FAT3: variants seen among roughly 807,000 people sequenced by gnomAD.
FAT3 encodes the protein protocadherin Fat 3.
Under a neutral mutation model 310.2 loss-of-function variants are expected in FAT3, and 95 were observed. The observed-to-expected ratio is 0.31, with a 90% CI of 0.26 to 0.36. The LOEUF is 0.36. Among genes scored for constraint, FAT3 ranks in the 10% least tolerant of loss-of-function variants. The probability of loss-of-function intolerance (pLI) is 1.00; values close to 1 mark genes in which losing one functional copy is unlikely to be tolerated. For synonymous variants in FAT3, 2,314 were observed against 2,192.9 expected, an observed-to-expected ratio of 1.06 and a Z score of -1.54; for missense variants, 5,408 against 5,715.6, an observed-to-expected ratio of 0.95 and a Z score of 1.74.
chr11:92,630,631 C>T (rs1941523631), intron 3 of FAT3, among the ~76,000 whole-genome samples: 1 of 152,186 alleles, frequency 6.6e-6, no homozygotes, highest in Admixed American at 6.5e-5. Context: ...CCATCCTCCT[C>T]TAATTTTTCT....
intron 22 of FAT3, among the ~76,000 whole-genome samples, chr11:92,878,446 A>G (rs926197584): frequency 1.3e-5 from 2 of 152,014 alleles, no homozygotes; most frequent in South Asian, 4.2e-4. Flanking sequence ...TTGACCCAAC[A>G]TCTGGCTACC....
intron 2 of FAT3, among the ~76,000 whole-genome samples, chr11:92,375,088 T>C (rs902960148): frequency 1.3e-5 from 2 of 151,986 alleles, no homozygotes; most frequent in African/African-American, 4.8e-5. Flanking sequence ...GTCAAATAAT[T>C]AGAGTAATTT....
rs1372388177 is a variant in FAT3, at chr11:92,633,721, G to GT, written c.3608-63662dup. On this transcript the variant is annotated intron_variant, in intron 3 of 27. Transcript: ENST00000525166. ...GGAGGCAAAGGATAGAAGGAGAAAT[G>GT]TATCACTTCATAAATATGAATCTGA... is the stretch of plus-strand genomic sequence containing the variant. Among the ~76,000 whole-genome samples, 3 of 152,296 alleles carry GT rather than the reference G, an allele frequency of 2.0e-5. No individual in the cohort carries two copies. The East Asian group carries it at 5.8e-4, about 29-fold the overall frequency.
intron 3 of FAT3, among the ~76,000 whole-genome samples, chr11:92,611,714 A>G (rs1940569705): frequency 6.6e-6 from 1 of 152,164 alleles, no homozygotes; most frequent in Admixed American, 6.5e-5. Flanking sequence ...ATTTCTTGAT[A>G]TACTCCAGTG....
At chr11:92,718,693 T>G (rs1944764018) in intron 4 of FAT3, among the ~76,000 whole-genome samples, 1 of 152,210 alleles carries the variant, frequency 6.6e-6, no homozygotes, top group East Asian at 1.9e-4. Flanking sequence ...AAGCATACAT[T>G]GTTCTCCTCC....
chr11:92,546,093 A>G (rs1954607908), intron 3 of FAT3, among the ~76,000 whole-genome samples: 1 of 152,150 alleles, frequency 6.6e-6, no homozygotes, highest in Admixed American at 6.6e-5. Flanking sequence ...CTTTTAATTC[A>G]AGAAATGTCG....
chr11:92,254,526 A>T (rs1044118775), intron 1 of FAT3, among the ~76,000 whole-genome samples: 1 of 152,136 alleles, frequency 6.6e-6, no homozygotes, highest in East Asian at 1.9e-4. Context: ...TTTATATATT[A>T]AAACTTTCAA....
intron 2 of FAT3, among the ~76,000 whole-genome samples, chr11:92,500,590 T>C (rs967716190): frequency 2.6e-5 from 4 of 152,054 alleles, no homozygotes; most frequent in African/African-American, 9.7e-5. Context: ...TTGGAAGTTT[T>C]CCCATTATCA....
In FAT3 at chr11:92,598,230, A is replaced by ATTTT. The variant is rs397770261; in HGVS notation, c.3607+73293_3607+73296dup. Among the ~76,000 whole-genome samples the ATTTT allele has an allele frequency of 5.0e-3, 678 of 134,422 alleles. 2 individuals are homozygous for ATTTT. Among genetic ancestry groups the ATTTT allele is most frequent in the African/African-American group, 0.01 (354 of 34,802 alleles). The allele number at this position is 134,422 out of a possible 152,430, so 88.2% of individuals were successfully genotyped here. On this transcript the variant is annotated intron_variant, in intron 3 of 27. Coordinates refer to ENST00000525166, the MANE Select transcript of FAT3 (RefSeq NM_001367949.2). ...TATATGTATACATATATATATATAT[A>ATTTT]TTTTTTTTTTTTTTGAGACAAAGTC...
At position 92,834,959 on chromosome 11, in the gene FAT3, C is replaced by A; in HGVS notation, c.9961C>A (p.Leu3321Ile). ...AGCCAAAGATGGGGGCACCCCAGCT[C>A]TCAGCGCTGTGGCCACTGTCAACAT... ...VEAKDGGTPALSAVATVNINL... is the reference protein window; with the variant it reads ...VEAKDGGTPAISAVATVNINL... Residue 3321 changes from leucine (L) to isoleucine (I), a missense_variant, in exon 15 of 28, where the codon CTC becomes ATC. Leu to Ile is a conservative substitution (Grantham distance 5, BLOSUM62 2). This residue lies in a region of FAT3 where 4,588 missense variants were observed against 4,809.8 expected (regional missense o/e 0.95). Transcript: ENST00000525166. 6.2e-7 allele frequency: 1 copy of A among 1,613,400 alleles called. No individual in the cohort carries two copies. The highest frequency in any genetic ancestry group is 1.1e-5 in the South Asian group (1 of 90,814).
chr11:92,287,228 A>G (rs1310941785), intron 1 of FAT3, among the ~76,000 whole-genome samples: 1 of 152,188 alleles, frequency 6.6e-6, no homozygotes, highest in Non-Finnish European at 1.5e-5. Context: ...TTTTTATAAA[A>G]CAAATGAAGG....
chr11:92,462,495 A>G (rs758958914), intron 2 of FAT3, among the ~76,000 whole-genome samples: 2 of 152,130 alleles, frequency 1.3e-5, no homozygotes, highest in African/African-American at 2.4e-5. Flanking sequence ...ATTTTATCTA[A>G]AGTTTTAAGG....
intron 1 of FAT3, among the ~76,000 whole-genome samples, chr11:92,228,214 T>A (rs1369982046): frequency 1.3e-5 from 2 of 152,186 alleles, no homozygotes; most frequent in African/African-American, 4.8e-5. Flanking sequence ...GCTGCAGGAT[T>A]TTCACAGCCA....
At chr11:92,676,964 A>G (rs1313888977) in intron 3 of FAT3, among the ~76,000 whole-genome samples, 3 of 152,204 alleles carry the variant, frequency 2.0e-5, no homozygotes, top group Non-Finnish European at 2.9e-5. Flanking sequence ...TGTGCTCTGA[A>G]TATCAGGTTG....
chr11:92,569,437 G>T (rs763999939), intron 3 of FAT3, among the ~76,000 whole-genome samples: 15 of 152,126 alleles, frequency 9.9e-5, no homozygotes, highest in Non-Finnish European at 2.1e-4. Context: ...TCAGGCTTTT[G>T]TTTGTTTTGA....
chr11:92,587,004 A>T (rs1194894578), intron 3 of FAT3, among the ~76,000 whole-genome samples: 1 of 152,032 alleles, frequency 6.6e-6, no homozygotes, highest in Non-Finnish European at 1.5e-5. Context: ...AAAGCCATAT[A>T]AGAGATTTCT....
chr11:92,752,449 A>G (rs181133734), intron 4 of FAT3, among the ~76,000 whole-genome samples: 1 of 152,352 alleles, frequency 6.6e-6, no homozygotes, highest in African/African-American at 2.4e-5. Context: ...GATTGTTGTA[A>G]CAAAGGAGAT....
At chr11:92,362,312 G>A (rs1948902196) in intron 2 of FAT3, among the ~76,000 whole-genome samples, 3 of 152,212 alleles carry the variant, frequency 2.0e-5, no homozygotes, top group Non-Finnish European at 2.9e-5. Context: ...ATTGTGAACA[G>A]ATTATTCCAA....
intron 3 of FAT3, among the ~76,000 whole-genome samples, chr11:92,677,600 T>TG (rs1228296753): frequency 1.3e-5 from 2 of 152,182 alleles, no homozygotes; most frequent in African/African-American, 4.8e-5. Flanking sequence ...CTTTGGAGGA[T>TG]GGAAAGTCCA....
Sources: gnomAD v4.1 joint callset for allele counts (sites outside exome capture counted in the v4.1 genomes callset) on GRCh38, gnomAD v4.1.1 for gene constraint, gnomAD v4.1.1 regional missense constraint, MANE v1.5 for transcripts, NCBI Gene and HGNC (gene_info 2026-07-23, HGNC 2026-07-21) for gene names.